ARHGAP32: variants seen among roughly 807,000 people sequenced by gnomAD.
ARHGAP32 encodes the protein rho GTPase-activating protein 32.
ARHGAP32 carries 51 observed loss-of-function variants against 186.5 expected under a neutral mutation model. The ratio of observed to expected loss-of-function variants is 0.27; its 90% CI spans 0.22 to 0.35. The LOEUF (loss-of-function observed/expected upper bound fraction) is 0.35, where lower values mean the gene tolerates loss of function less well. ARHGAP32 is among the 10% of genes least tolerant of loss of function. The pLI is 1.00. For synonymous variants in ARHGAP32, 950 were observed against 964.3 expected (o/e 0.99, Z 0.27); for missense variants, 2,186 against 2,623.5 (o/e 0.83, Z 3.64).
At chr11:129,172,616 C>T (rs573386787) in intron 1 of ARHGAP32, among the ~76,000 whole-genome samples, 2 of 152,276 alleles carry the variant, frequency 1.3e-5, no homozygotes, top group Admixed American at 6.5e-5. Flanking sequence ...AGTGCAATCA[C>T]ATTAGAACTC....
At chr11:129,212,429 C>T (rs1565470177) in intron 1 of ARHGAP32, among the ~76,000 whole-genome samples, 1 of 152,126 alleles carries the variant, frequency 6.6e-6, no homozygotes, top group East Asian at 1.9e-4. Flanking sequence ...TCAGCTCTGT[C>T]AATCTGAAAG....
At chr11:129,192,023 A>AG (rs567569541) in intron 1 of ARHGAP32, 60 bp downstream of exon 1, 1 of 1,205,548 alleles carries the variant, frequency 8.3e-7, no homozygotes, top group Non-Finnish European at 1.2e-6. Context: ...GAGAAGAAAA[A>AG]GGGGTGCGGG....
intron 6 of ARHGAP32, among the ~76,000 whole-genome samples, chr11:129,078,990 A>G (rs773301788): frequency 1.8e-4 from 28 of 152,186 alleles, no homozygotes; most frequent in Non-Finnish European, 3.8e-4. Flanking sequence ...TCAACAATAG[A>G]TTCAAACAAG....
At chr11:129,043,623 G>A (rs1939693214) in intron 10 of ARHGAP32, among the ~76,000 whole-genome samples, 1 of 151,830 alleles carries the variant, frequency 6.6e-6, no homozygotes, top group African/African-American at 2.4e-5. Context: ...CCCAACCTCA[G>A]GTGATCTACT....
intron 1 of ARHGAP32, among the ~76,000 whole-genome samples, chr11:129,238,524 T>C (rs890707962): frequency 6.6e-6 from 1 of 152,176 alleles, no homozygotes; most frequent in Non-Finnish European, 1.5e-5. Flanking sequence ...ACAGGTGCTC[T>C]TATACACTTA....
intron 5 of ARHGAP32, among the ~76,000 whole-genome samples, chr11:129,100,192 C>A (rs1266483981): frequency 6.6e-6 from 1 of 152,150 alleles, no homozygotes; most frequent in Non-Finnish European, 1.5e-5. Context: ...AGTGGTCATG[C>A]CCATAAGCTC....
upstream of ARHGAP32, among the ~76,000 whole-genome samples, chr11:129,193,549 A>AAT (rs751699323): frequency 1.3e-3 from 66 of 49,996 alleles, no homozygotes; most frequent in African/African-American, 5.6e-3. Flanking sequence ...TATTATATAT[A>AAT]ATATATATAT....
At chr11:129,101,640 CA>C (rs1941902280) in intron 5 of ARHGAP32, among the ~76,000 whole-genome samples, 3 of 151,986 alleles carry the variant, frequency 2.0e-5, no homozygotes, top group South Asian at 2.1e-4. Context: ...ATAAGACAGA[CA>C]GACAAGAATA....
At chr11:129,024,050 T>G (rs1370552299) in intron 11 of ARHGAP32, 1 of 985,364 alleles carries the variant, frequency 1.0e-6, no homozygotes, top group East Asian at 1.1e-4. Flanking sequence ...ACTGCCGGGT[T>G]CCAGCTGTTT....
chr11:128,973,380 A>T lies in ARHGAP32; in HGVS notation c.3126T>A (p.Ser1042=). The T allele has an allele frequency of 6.2e-7, 1 of 1,614,100 alleles. No homozygotes were observed. Among genetic ancestry groups the T allele is most frequent in the African/African-American group, 1.3e-5 (1 of 75,016 alleles). Residue 1042 remains serine (S), a synonymous_variant, in exon 22 of 23, where the codon TCT becomes TCA. Transcript: ENST00000682385. ...TCGGAGGCGGTGGTGGTGGGATAAG[A>T]GAGACTGAACTGACAGGAACGGAAT... ...PQDSVPVSSV[S]LIPPPPPPKN... is the part of the protein sequence containing the mutation.
At chr11:129,008,953 T>C (rs1476541020) in intron 11 of ARHGAP32, among the ~76,000 whole-genome samples, 1 of 152,228 alleles carries the variant, frequency 6.6e-6, no homozygotes, top group Non-Finnish European at 1.5e-5. Flanking sequence ...ATTATGAATC[T>C]TTGTTATAGA....
Position 129,000,254 on chromosome 11 carries a change from C to T in ARHGAP32, c.1046-1786G>A, listed in dbSNP as rs750397028. On this transcript the variant is annotated intron_variant, in intron 11 of 22. Coordinates refer to ENST00000682385, the MANE Select transcript of ARHGAP32 (RefSeq NM_001378024.1). ...TTAATATTTGAAAAAATAATTCCAC[C>T]GACTGATACATTAGAAAGACAACTA... Among the ~76,000 whole-genome samples, 9 of 151,842 alleles carry T rather than the reference C, an allele frequency of 5.9e-5. No homozygotes were observed. The South Asian group carries it at 6.2e-4, about 11-fold the overall frequency.
intron 1 of ARHGAP32, among the ~76,000 whole-genome samples, chr11:129,217,786 C>T (rs1227391197): frequency 1.3e-5 from 2 of 152,172 alleles, no homozygotes; most frequent in African/African-American, 4.8e-5. Context: ...AAGAAATAGA[C>T]ATATACACGT....
chr11:129,106,396 T>C (rs1014957690), intron 5 of ARHGAP32, among the ~76,000 whole-genome samples: 1 of 152,150 alleles, frequency 6.6e-6, no homozygotes, highest in African/African-American at 2.4e-5. Flanking sequence ...ACAGTGGTTA[T>C]TAGCCTAAGC....
At chr11:128,983,892 T>C (rs1214480352) in intron 15 of ARHGAP32, among the ~76,000 whole-genome samples, 2 of 152,196 alleles carry the variant, frequency 1.3e-5, no homozygotes, top group Non-Finnish European at 2.9e-5. Flanking sequence ...TGAGCACTTT[T>C]ATATTCAGCA....
chr11:129,208,631 G>C (rs1944544386), intron 1 of ARHGAP32, among the ~76,000 whole-genome samples: 1 of 151,288 alleles, frequency 6.6e-6, no homozygotes, highest in Non-Finnish European at 1.5e-5. Context: ...CAAACAACCG[G>C]ACAGTGGATG....
chr11:129,174,220 T>C (rs1353858174), intron 1 of ARHGAP32, among the ~76,000 whole-genome samples: 1 of 152,194 alleles, frequency 6.6e-6, no homozygotes, highest in Non-Finnish European at 1.5e-5. Context: ...ACCCAAATAC[T>C]GCGCTTTTCC....
intron 3 of ARHGAP32, among the ~76,000 whole-genome samples, chr11:129,124,255 G>A (rs1284096021): frequency 6.6e-6 from 1 of 152,064 alleles, no homozygotes; most frequent in Non-Finnish European, 1.5e-5. Context: ...ATAATTTTGT[G>A]CATGAAACAA....
intron 1 of ARHGAP32, among the ~76,000 whole-genome samples, chr11:129,173,943 A>C (rs1057033257): frequency 6.6e-6 from 1 of 152,232 alleles, no homozygotes; most frequent in Non-Finnish European, 1.5e-5. Flanking sequence ...AGGAGCCAAG[A>C]TGGCCAAATA....
Sources: allele counts gnomAD v4.1 joint callset (sites outside exome capture counted in the v4.1 genomes callset), GRCh38; gene constraint gnomAD v4.1.1; transcripts MANE v1.5; gene names NCBI Gene and HGNC (gene_info 2026-07-23, HGNC 2026-07-21).